EVL: variants seen among roughly 807,000 people sequenced by gnomAD.
The protein encoded by EVL is ena/VASP-like protein.
Under a neutral mutation model 59.6 loss-of-function variants are expected in EVL, and 21 were observed. The observed-to-expected ratio is 0.35, with a 90% confidence interval of 0.25 to 0.51. The LOEUF (loss-of-function observed/expected upper bound fraction) is 0.51, where lower values mean the gene tolerates loss of function less well. Among genes scored for constraint, EVL ranks in the 20% least tolerant of loss-of-function variants. EVL has a pLI of 0.97. For missense variants in EVL, 462 were observed against 546.6 expected (o/e 0.85, Z 1.54); for synonymous variants, 198 against 203.5 (o/e 0.97, Z 0.23).
chr14:100,097,856 A>G, intron 3 of EVL, 198 bp downstream of exon 3: 1 of 501,738 alleles, frequency 2.0e-6, no homozygotes, highest in Non-Finnish European at 3.5e-6. Flanking sequence ...TGGAGTTTGT[A>G]TCTCTTTGCC....
At chr14:100,022,664 C>T (rs954930880) in intron 1 of EVL, among the ~76,000 whole-genome samples, 2 of 152,188 alleles carry the variant, frequency 1.3e-5, no homozygotes, top group African/African-American at 4.8e-5. Context: ...GAGCAGAATT[C>T]ATAAAAACAA....
At chr14:100,046,847 G>A (rs1400550609) in intron 1 of EVL, among the ~76,000 whole-genome samples, 4 of 150,280 alleles carry the variant, frequency 2.7e-5, no homozygotes, top group Non-Finnish European at 3.0e-5. Context: ...CCGCCTCCTG[G>A]GTTCACGCCA....
chr14:100,060,037 T>G (rs1247184750), intron 1 of EVL, among the ~76,000 whole-genome samples: 3 of 152,136 alleles, frequency 2.0e-5, no homozygotes, highest in Non-Finnish European at 4.4e-5. Context: ...AGCAGGCAAG[T>G]TCTTCAAATT....
At chr14:100,106,734 G>A (rs1424588389) in intron 3 of EVL, 1 of 397,760 alleles carries the variant, frequency 2.5e-6, no homozygotes, top group Non-Finnish European at 4.4e-6. Flanking sequence ...TGTGAAACTC[G>A]GGCTGGTTCC....
At chr14:100,125,092 A>G (rs1447690183) in intron 4 of EVL, among the ~76,000 whole-genome samples, 2 of 151,030 alleles carry the variant, frequency 1.3e-5, no homozygotes, top group East Asian at 3.9e-4. Flanking sequence ...ACACACAGAC[A>G]CAGACACACA....
At chr14:100,128,495 C>T in intron 5 of EVL, 24 bp from the exon 6 acceptor site, 1 of 1,611,480 alleles carries the variant, frequency 6.2e-7, no homozygotes, top group Non-Finnish European at 8.5e-7. Flanking sequence ...CTGGAGCTGG[C>T]TGAGCCTCAC....
chr14:100,109,806 G>T lies in EVL; in HGVS notation c.358+12148G>T. On this transcript the variant is annotated intron_variant, in intron 3 of 13. Transcript: ENST00000392920. The surrounding 1 kb of genome is among the most constrained non-coding windows in gnomAD (Gnocchi z 4.3). ...TTCTCCAGCCACAGCCTATGGAAGG[G>T]CCTTCAGCTGCTGTGGCCCCGAGGT... 2.1e-6 allele frequency: 1 copy of T among 465,586 alleles called. No homozygotes were observed. Among genetic ancestry groups the T allele is most frequent in the Non-Finnish European group, 4.5e-6 (1 of 220,530 alleles). 28.8% of individuals were successfully genotyped at this position (465,586 alleles called of 1,614,324 possible). A position where few individuals can be genotyped will look rare whatever the true frequency, so the allele number is the denominator to read the frequency against.
chr14:100,004,929 T>C (rs2140187605), intron 1 of EVL, among the ~76,000 whole-genome samples: 1 of 152,350 alleles, frequency 6.6e-6, no homozygotes, highest in African/African-American at 2.4e-5. Context: ...GAAATATCTG[T>C]TATTTAATTT....
intron 1 of EVL, among the ~76,000 whole-genome samples, chr14:100,055,052 A>T (rs541628975): frequency 6.6e-6 from 1 of 152,134 alleles, no homozygotes; most frequent in South Asian, 2.1e-4. Flanking sequence ...AATACGAATT[A>T]GCTGGGCATT....
At chr14:100,052,473 C>T (rs1045057423) in intron 1 of EVL, among the ~76,000 whole-genome samples, 1 of 152,128 alleles carries the variant, frequency 6.6e-6, no homozygotes, top group Non-Finnish European at 1.5e-5. Context: ...CAGGAGGGGC[C>T]AGGCACGGTG....
chr14:100,060,152 C>A (rs544487205), intron 1 of EVL, among the ~76,000 whole-genome samples: 6 of 151,102 alleles, frequency 4.0e-5, no homozygotes, highest in African/African-American at 1.5e-4. Flanking sequence ...TGCCCAGTGC[C>A]GGGCGCGGTG....
In EVL at chr14:100,084,866, G is replaced by A. The variant is rs780771365; in HGVS notation, c.180+11G>A. 3 of 1,613,658 alleles carry A rather than the reference G, an allele frequency of 1.9e-6. No individual in the cohort carries two copies. In the Admixed American group the frequency reaches 5.0e-5, roughly 27 times the overall value. The stretch of plus-strand genomic sequence containing the variant: ...TTGCAGGATCAGCAGGTCAGTGCTG[G>A]AATTACAGATTATACCCGTGAGCCT... On this transcript the variant is annotated intron_variant, in intron 2 of 13. Transcript: ENST00000392920.
intron 1 of EVL, among the ~76,000 whole-genome samples, chr14:100,079,717 C>CT (rs2062250668): frequency 6.6e-6 from 1 of 152,168 alleles, no homozygotes; most frequent in African/African-American, 2.4e-5. Context: ...AATAACAGGG[C>CT]TAGGATGGCG....
chr14:100,072,860 G>A (rs927727445), intron 1 of EVL, among the ~76,000 whole-genome samples: 6 of 152,212 alleles, frequency 3.9e-5, no homozygotes, highest in African/African-American at 9.7e-5. Flanking sequence ...GTTTTGCTGC[G>A]TCGCCAGGTG....
intron 3 of EVL, chr14:100,097,876 A>G: frequency 2.1e-6 from 1 of 471,186 alleles, no homozygotes. Flanking sequence ...CACTTGTGAG[A>G]TATAGATTTG....
chr14:100,124,999 C>T (rs1358972770), intron 4 of EVL, among the ~76,000 whole-genome samples: 1 of 152,026 alleles, frequency 6.6e-6, no homozygotes, highest in Non-Finnish European at 1.5e-5. Context: ...AGACCACACA[C>T]ATGCGCACAC....
At position 100,127,875 on chromosome 14, in the gene EVL, C is replaced by T. The variant is rs1386348045; in HGVS notation, c.488-644C>T. On this transcript the variant is annotated intron_variant, in intron 5 of 13. Coordinates refer to ENST00000392920, the MANE Select transcript of EVL (RefSeq NM_016337.3). This position sits in a 1 kb window ranked among gnomAD's most constrained non-coding sequence, Gnocchi z 4.2. The stretch of plus-strand genomic sequence containing the variant: ...TGCGTTTACCTCTGCGATTCGTTGA[C>T]TGTTCCTCATAGGCTGTGAGCACCC... Among the ~76,000 whole-genome samples the T allele has an allele frequency of 6.6e-6, 1 of 152,264 alleles. No individual in the cohort carries two copies. Among genetic ancestry groups the T allele is most frequent in the East Asian group, 1.9e-4 (1 of 5,198 alleles).
At chr14:100,089,640 G>A (rs1427789662) in intron 2 of EVL, among the ~76,000 whole-genome samples, 1 of 152,222 alleles carries the variant, frequency 6.6e-6, no homozygotes, top group African/African-American at 2.4e-5. Flanking sequence ...GTACATATGA[G>A]CCAGGCGCAG....
intron 2 of EVL, among the ~76,000 whole-genome samples, chr14:100,096,186 T>A (rs1595170348): frequency 6.6e-6 from 1 of 152,342 alleles, no homozygotes; most frequent in Non-Finnish European, 1.5e-5. Context: ...GGCTTTACCT[T>A]ATCCAGCAGC....
Sources: gnomAD v4.1 joint callset for allele counts (sites outside exome capture counted in the v4.1 genomes callset) on GRCh38, gnomAD v4.1.1 for gene constraint, Gnocchi (gnomAD v3.1) non-coding constraint, MANE v1.5 for transcripts, NCBI Gene and HGNC (gene_info 2026-07-23, HGNC 2026-07-21) for gene names.